The following RBFOX3 variants were observed in gnomAD, a reference collection of about 807,000 sequenced individuals.
RBFOX3 encodes the protein RNA binding fox-1 homolog 3, also known as RNA binding protein fox-1 homolog 3.
Under a neutral mutation model 48.7 loss-of-function variants are expected in RBFOX3, and 17 were observed. The ratio of observed to expected loss-of-function variants is 0.35; its 90% CI spans 0.24 to 0.52. The LOEUF (loss-of-function observed/expected upper bound fraction) is 0.52. Ranked by LOEUF, RBFOX3 falls within the 20% of genes least tolerant of loss-of-function variation. The probability of loss-of-function intolerance (pLI) is 0.94; values close to 1 mark genes in which losing one functional copy is unlikely to be tolerated. For missense variants in RBFOX3, 382 were observed against 497.5 expected (o/e 0.77, Z 2.21); for synonymous variants, 212 against 209.5 (o/e 1.01, Z -0.10).
intron 1 of RBFOX3, among the ~76,000 whole-genome samples, chr17:79,573,522 A>C (rs2144617161): frequency 6.6e-6 from 1 of 152,284 alleles, no homozygotes; most frequent in South Asian, 2.1e-4. Context: ...AGGCAAGGAG[A>C]GAGGCCCTTC....
At position 79,264,970 on chromosome 17, in the gene RBFOX3, G is replaced by C. The variant is rs147940347; in HGVS notation, c.-73-29165C>G. ...GAGACCCTCAGTGCGAGAGGAGGGG[G>C]GGGGGGCGCAGATTTGTGGCGATCA... is the stretch of plus-strand genomic sequence containing the variant. On this transcript the variant is annotated intron_variant, in intron 3 of 14. Transcript: ENST00000693108. 3.6e-3 allele frequency among the ~76,000 whole-genome samples: 553 copies of C among 152,086 alleles called. 2 individuals carry two copies. Among genetic ancestry groups the C allele is most frequent in the African/African-American group, 0.012 (497 of 41,480 alleles).
At chr17:79,124,436 C>G (rs1440223624) in intron 4 of RBFOX3, among the ~76,000 whole-genome samples, 1 of 152,252 alleles carries the variant, frequency 6.6e-6, no homozygotes, top group Non-Finnish European at 1.5e-5. Flanking sequence ...TATGGAGCCC[C>G]TCCTCTGGGC....
the RBFOX3 span, among the ~76,000 whole-genome samples, chr17:79,656,660 A>AGG: frequency 1.6e-5 from 2 of 122,188 alleles, no homozygotes; most frequent in Non-Finnish European, 3.3e-5. Flanking sequence ...AGAAAGGAAG[A>AGG]GAAGAAAGGA....
intron 1 of RBFOX3, among the ~76,000 whole-genome samples, chr17:79,487,250 G>A (rs2079754658): frequency 6.6e-6 from 1 of 152,224 alleles, no homozygotes; most frequent in African/African-American, 2.4e-5. Context: ...TGGCCAGGCA[G>A]AGAGGAGGCT....
chr17:79,445,620 A>T (rs782439278), intron 2 of RBFOX3, among the ~76,000 whole-genome samples: 13 of 152,154 alleles, frequency 8.5e-5, no homozygotes, highest in Non-Finnish European at 1.5e-4. Context: ...AGAGCCCACA[A>T]AAAGCATCTG....
intron 1 of RBFOX3, among the ~76,000 whole-genome samples, chr17:79,547,471 C>CA (rs150736551): frequency 0.024 from 3,647 of 152,116 alleles, 116 homozygotes; most frequent in African/African-American, 0.075. Context: ...AAAACAAAAA[C>CA]AAAAAAACTG....
At chr17:79,178,138 G>A (rs1164773547) in intron 4 of RBFOX3, among the ~76,000 whole-genome samples, 2 of 152,122 alleles carry the variant, frequency 1.3e-5, no homozygotes, top group Admixed American at 6.5e-5. Flanking sequence ...CCGCCGCCAC[G>A]TCCACCAGCC....
rs1015272800 is a variant in RBFOX3 at position 79,110,817 on chromosome 17, G to A, written c.223-4029C>T. Reference sequence around the variant, plus strand: ...CCTCTGCACCGTGGCACGGGCAGCCGACTGACGCCTCATCCACTCCCACCT... The same window carrying A: ...CCTCTGCACCGTGGCACGGGCAGCCAACTGACGCCTCATCCACTCCCACCT... On this transcript the variant is annotated intron_variant, in intron 5 of 14. Coordinates refer to ENST00000693108, the MANE Select transcript of RBFOX3 (RefSeq NM_001350451.2). 9.9e-5 allele frequency among the ~76,000 whole-genome samples: 15 copies of A among 152,236 alleles called. No homozygotes were observed. The South Asian group carries it at 2.7e-3, about 27-fold the overall frequency.
At chr17:79,434,407 T>G (rs2069015156) in intron 2 of RBFOX3, among the ~76,000 whole-genome samples, 1 of 152,190 alleles carries the variant, frequency 6.6e-6, no homozygotes, top group Non-Finnish European at 1.5e-5. Flanking sequence ...CAGCAAGAAC[T>G]GACTTACACA....
chr17:79,591,991 G>A (rs1377073490), intron 1 of RBFOX3, among the ~76,000 whole-genome samples: 2 of 151,014 alleles, frequency 1.3e-5, no homozygotes, highest in Admixed American at 1.3e-4. Flanking sequence ...TATGTGCAGT[G>A]TGTGTGTGTG....
At chr17:79,381,683 T>C (rs1050280775) in intron 2 of RBFOX3, among the ~76,000 whole-genome samples, 1 of 152,134 alleles carries the variant, frequency 6.6e-6, no homozygotes, top group Admixed American at 6.5e-5. Flanking sequence ...AGGGGCAGAG[T>C]TGGGGGCAGG....
At chr17:79,183,462 T>TCTCCTC (rs374187157) in intron 4 of RBFOX3, 2 of 151,132 alleles carry the variant, frequency 1.3e-5, no homozygotes, top group African/African-American at 4.9e-5. Context: ...TCCCGGTCTC[T>TCTCCTC]CTCCTCCTCC....
chr17:79,379,876 C>A (rs558232408), intron 2 of RBFOX3, among the ~76,000 whole-genome samples: 1 of 152,168 alleles, frequency 6.6e-6, no homozygotes, highest in Non-Finnish European at 1.5e-5. Flanking sequence ...AAGCACAGAG[C>A]GGCTCTCAGG....
chr17:79,160,791 T>G (rs2046813938), intron 4 of RBFOX3, among the ~76,000 whole-genome samples: 2 of 152,012 alleles, frequency 1.3e-5, no homozygotes, highest in South Asian at 4.2e-4. Flanking sequence ...ACCAGCCTGG[T>G]CAACATGGTG....
At chr17:79,288,558 C>A (rs973378415) in intron 3 of RBFOX3, among the ~76,000 whole-genome samples, 1 of 151,878 alleles carries the variant, frequency 6.6e-6, no homozygotes. Context: ...ACGTGATGGG[C>A]AGTTTCCGTC....
At chr17:79,096,560 G>C in intron 12 of RBFOX3, 93 bp downstream of exon 12, 1 of 1,126,318 alleles carries the variant, frequency 8.9e-7, no homozygotes, top group South Asian at 1.5e-5. Flanking sequence ...GATGGGATGG[G>C]AGGAGCGGGC....
At position 79,504,511 on chromosome 17, in the gene RBFOX3, C is replaced by T. The variant is rs1027717412; in HGVS notation, c.-319-21913G>A. On this transcript the variant is annotated intron_variant, in intron 1 of 14. Transcript: ENST00000693108. ...GTTGAAGTCAAGATGTGAGCATGGC[C>T]GAGCTCCCTCCAGAGGCTCCAGGAG... 1.2e-3 allele frequency among the ~76,000 whole-genome samples: 188 copies of T among 152,300 alleles called. 3 individuals are homozygous for T. The highest frequency in any genetic ancestry group is 3.8e-3 in the African/African-American group (157 of 41,562).
At chr17:79,280,677 A>G (rs1347879172) in intron 3 of RBFOX3, among the ~76,000 whole-genome samples, 3 of 152,244 alleles carry the variant, frequency 2.0e-5, no homozygotes, top group African/African-American at 4.8e-5. Context: ...GGTCACAGTC[A>G]TGTAGACGGG....
intron 1 of RBFOX3, among the ~76,000 whole-genome samples, chr17:79,563,227 A>C (rs922906609): frequency 1.8e-4 from 27 of 152,332 alleles, no homozygotes; most frequent in East Asian, 3.9e-4. Flanking sequence ...CTTTGAAAAA[A>C]AAAAAACAAA....
Sources: gnomAD v4.1 joint callset for allele counts (sites outside exome capture counted in the v4.1 genomes callset) on GRCh38, gnomAD v4.1.1 for gene constraint, MANE v1.5 for transcripts, NCBI Gene and HGNC (gene_info 2026-07-23, HGNC 2026-07-21) for gene names.